The following GGA3 variants were observed in gnomAD, a reference collection of about 807,000 sequenced individuals.
GGA3 encodes ADP-ribosylation factor-binding protein GGA3.
Under a neutral mutation model 77.5 loss-of-function variants are expected in GGA3, and 57 were observed. The ratio of observed to expected loss-of-function variants is 0.74; its 90% CI spans 0.59 to 0.92. The LOEUF is 0.92. Ranked by LOEUF, GGA3 falls within the 40% of genes least tolerant of loss-of-function variation. The probability of loss-of-function intolerance (pLI) is 0.00; values close to 1 mark genes in which losing one functional copy is unlikely to be tolerated. For synonymous variants in GGA3, 416 were observed against 383.7 expected, an observed-to-expected ratio of 1.08 and a Z score of -0.98; for missense variants, 970 against 914.9, an observed-to-expected ratio of 1.06 and a Z score of -0.78.
rs371865020 is a variant in GGA3 at position 75,238,777 on chromosome 17, A to G, written c.1951-15T>C. The G allele has an allele frequency of 3.7e-6, 6 of 1,600,348 alleles. No individual in the cohort carries two copies. The African/African-American group carries it at 6.7e-5, about 18-fold the overall frequency. On this transcript the variant is annotated splice_polypyrimidine_tract_variant and intron_variant, in intron 15 of 16. Transcript: ENST00000537686. The stretch of plus-strand genomic sequence containing the variant: ...ACTTTCATTGACTAAAGAGAGAGAA[A>G]CTCCTTTGAAGAGAACTGGTAGGTG...
intron 12 of GGA3, 83 bp from the exon 13 acceptor site, chr17:75,240,191 G>T: frequency 7.8e-7 from 1 of 1,276,646 alleles, no homozygotes; most frequent in Non-Finnish European, 1.1e-6. Context: ...TCCAAGGACT[G>T]CACGGAAGAC....
Position 75,243,469 on chromosome 17 carries a change from G to T in GGA3, c.402C>A (p.Ala134=). Residue 134 remains alanine (A), a synonymous_variant, in exon 5 of 17, where the codon GCC becomes GCA. Transcript: ENST00000537686. ...ALPEEAKIKD[A]YHMLKRQGIV... is the part of the protein sequence containing the mutation. ...TACCCTGTCTCTTCAGCATGTGGTAGGCGTCTTTGATCTTTGCTTCTTCTG... is the reference window on the plus strand; with the variant it reads ...TACCCTGTCTCTTCAGCATGTGGTATGCGTCTTTGATCTTTGCTTCTTCTG... The T allele has an allele frequency of 6.2e-7, 1 of 1,614,224 alleles. No individual in the cohort carries two copies. Among genetic ancestry groups the T allele is most frequent in the Non-Finnish European group, 8.5e-7 (1 of 1,180,042 alleles).
rs1160310695 is a variant in GGA3 at position 75,238,013 on chromosome 17, G to A, written c.*266C>T. 2.4e-6 allele frequency: 3 copies of A among 1,262,956 alleles called. No individual in the cohort carries two copies. Among genetic ancestry groups the A allele is most frequent in the Non-Finnish European group, 3.0e-6 (3 of 1,003,062 alleles). The allele number at this position is 1,262,956 out of a possible 1,614,324, so 78.2% of individuals were successfully genotyped here. On this transcript the variant is annotated 3_prime_UTR_variant, in exon 17 of 17. Coordinates refer to ENST00000537686, the MANE Select transcript of GGA3 (RefSeq NM_138619.4). Reference sequence around the variant, plus strand: ...CCTGGGGGTCCATGTTCCCGGGACAGCAGTGAAGTCAGGGGCCACTCCGCA... The same window carrying A: ...CCTGGGGGTCCATGTTCCCGGGACAACAGTGAAGTCAGGGGCCACTCCGCA...
chr17:75,241,673 G>A lies in GGA3; in HGVS notation c.771C>T (p.Asn257=), dbSNP rs1194889544. Residue 257 remains asparagine (N), a synonymous_variant, in exon 9 of 17, where the codon AAC becomes AAT. Transcript: ENST00000537686. The part of the protein sequence containing the change: ...LMKELFDQCE[N]KRRTLFKLAS... ...CGAGTTTAAATAAAGTCCGCCTCTT[G>A]TTCTCACACTGATCAAACAGCTCCT... 18 of 1,613,928 alleles carry A rather than the reference G, an allele frequency of 1.1e-5. No homozygotes were observed. The highest frequency in any genetic ancestry group is 1.7e-5 in the Admixed American group (1 of 60,002).
chr17:75,261,942 C>A, upstream of GGA3: 1 of 1,608,600 alleles, frequency 6.2e-7, no homozygotes, highest in Non-Finnish European at 8.5e-7. Flanking sequence ...GATGGTCGGG[C>A]CTGGCGTTGG....
intron 1 of GGA3, among the ~76,000 whole-genome samples, chr17:75,252,607 T>C (rs142452178): frequency 2.8e-4 from 42 of 152,270 alleles, no homozygotes; most frequent in South Asian, 6.2e-4. Flanking sequence ...CCTAATCCTA[T>C]GTAAAGTCCC....
chr17:75,256,755 G>A (rs1381736981), intron 1 of GGA3, among the ~76,000 whole-genome samples: 1 of 152,012 alleles, frequency 6.6e-6, no homozygotes, highest in Non-Finnish European at 1.5e-5. Context: ...TACACATCAA[G>A]CTTGAAGATT....
chr17:75,259,703 G>C (rs893467414), intron 1 of GGA3, among the ~76,000 whole-genome samples: 4 of 152,152 alleles, frequency 2.6e-5, no homozygotes, highest in Non-Finnish European at 4.4e-5. Flanking sequence ...GGCAAACGTG[G>C]GGTGACAAGG....
chr17:75,255,994 T>C (rs1308808083), intron 1 of GGA3, among the ~76,000 whole-genome samples: 2 of 152,176 alleles, frequency 1.3e-5, no homozygotes, highest in Non-Finnish European at 2.9e-5. Flanking sequence ...CCTCATCTGT[T>C]ACCTATCTCG....
chr17:75,238,563 C>T, intron 16 of GGA3, 89 bp downstream of exon 16: 1 of 1,049,314 alleles, frequency 9.5e-7, no homozygotes, highest in Non-Finnish European at 1.4e-6. Flanking sequence ...ACAGTCAAAA[C>T]ACTTCCAGCT....
intron 1 of GGA3, among the ~76,000 whole-genome samples, chr17:75,256,550 T>C (rs1247124050): frequency 2.0e-5 from 3 of 152,158 alleles, no homozygotes; most frequent in Admixed American, 1.3e-4. Context: ...GCTTGATTTA[T>C]TGATGGCAGT....
Position 75,246,509 on chromosome 17 carries a change from C to T in GGA3, c.201G>A (p.Thr67=), listed in dbSNP as rs1412940402. 4.4e-6 allele frequency: 7 copies of T among 1,600,642 alleles called. No homozygotes were observed. Among genetic ancestry groups the T allele is most frequent in the African/African-American group, 1.3e-5 (1 of 74,774 alleles). The change falls in exon 3 of 17, where the codon ACG becomes ACA. Residue 67 remains threonine, a splice_region_variant and synonymous_variant. Transcript: ENST00000537686. ...CACCTCCGGAGAGTGAAGGACCTAC[C>T]GTCAGGGCCTGGAGCGCCTCCCATT... The part of the protein sequence containing the change: ...PQEWEALQAL[T]VLEACMKNCG...
At chr17:75,240,591 G>A (rs897853294) in intron 11 of GGA3, 179 bp from the exon 12 acceptor site, 15 of 659,754 alleles carry the variant, frequency 2.3e-5, no homozygotes, top group Admixed American at 8.6e-5. Context: ...ATGCAGAAGC[G>A]GGGGGCCTGT....
At chr17:75,258,152 A>G (rs940958125) in intron 1 of GGA3, among the ~76,000 whole-genome samples, 1 of 152,220 alleles carries the variant, frequency 6.6e-6, no homozygotes, top group Non-Finnish European at 1.5e-5. Flanking sequence ...AACCTGTAAG[A>G]ACTAATGATA....
rs906688003 is a variant in GGA3, at chr17:75,237,693, G to T, written c.*586C>A. The T allele has an allele frequency of 2.1e-6, 3 of 1,459,106 alleles. No individual in the cohort carries two copies. Among genetic ancestry groups the T allele is most frequent in the Non-Finnish European group, 2.7e-6 (3 of 1,106,752 alleles). 90.4% of individuals were successfully genotyped at this position (1,459,106 alleles called of 1,614,324 possible). ...CATCACTCCGTGGCCATTCCAGGACGATGCTGTCCACCAGAGGCAGGGCTG... is the reference window on the plus strand; with the variant it reads ...CATCACTCCGTGGCCATTCCAGGACTATGCTGTCCACCAGAGGCAGGGCTG... On this transcript the variant is annotated 3_prime_UTR_variant, in exon 17 of 17. Coordinates refer to ENST00000537686, the MANE Select transcript of GGA3 (RefSeq NM_138619.4).
rs190517044 is a variant in GGA3 at position 75,248,789 on chromosome 17, A to C, written c.41-1993T>G. The C allele has an allele frequency of 5.8e-3, 5,007 of 867,864 alleles. 26 individuals are homozygous for C. The highest frequency in any genetic ancestry group is 0.03 in the African/African-American group (880 of 29,820). 53.8% of individuals were successfully genotyped at this position (867,864 alleles called of 1,614,324 possible). ...CAACAAGTGAAAACTCTGTCTAAAA[A>C]AAAAACAAAAACAAAAACAAAAAAA... On this transcript the variant is annotated intron_variant, in intron 1 of 16. Coordinates refer to ENST00000537686, the MANE Select transcript of GGA3 (RefSeq NM_138619.4).
chr17:75,260,427 C>A (rs1178705979), intron 1 of GGA3, among the ~76,000 whole-genome samples: 1 of 152,184 alleles, frequency 6.6e-6, no homozygotes, highest in Non-Finnish European at 1.5e-5. Context: ...GAGAACACTT[C>A]CATATATAAA....
intron 1 of GGA3, chr17:75,248,919 T>C (rs2076863756): frequency 5.1e-6 from 5 of 985,156 alleles, no homozygotes; most frequent in Non-Finnish European, 6.0e-6. Flanking sequence ...TAGCGACAGC[T>C]GCCAGGCAGA....
chr17:75,241,293 G>C, intron 10 of GGA3, 107 bp downstream of exon 10: 1 of 816,530 alleles, frequency 1.2e-6, no homozygotes, highest in Non-Finnish European at 2.1e-6. Context: ...GAACTCCCTT[G>C]GGCCTTGTGC....
Sources: allele counts gnomAD v4.1 joint callset (sites outside exome capture counted in the v4.1 genomes callset), GRCh38; gene constraint gnomAD v4.1.1; transcripts MANE v1.5; gene names NCBI Gene and HGNC (gene_info 2026-07-23, HGNC 2026-07-21).